The following SLC2A13 variants were observed in gnomAD, a reference collection of about 807,000 sequenced individuals.
The protein encoded by SLC2A13 is solute carrier family 2 member 13.
In SLC2A13, 32 loss-of-function variants were observed where a neutral mutation model predicts 64.4. That is an observed-to-expected ratio of 0.50 (90% CI 0.37 to 0.67). SLC2A13 has a LOEUF of 0.67. Ranked by LOEUF, SLC2A13 falls within the 30% of genes least tolerant of loss-of-function variation. The pLI is 0.00. For missense variants in SLC2A13, 743 were observed against 829.2 expected (o/e 0.90, Z 1.28); for synonymous variants, 338 against 327.1 (o/e 1.03, Z -0.36).
intron 4 of SLC2A13, among the ~76,000 whole-genome samples, chr12:39,884,520 G>A (rs1944424546): frequency 6.6e-6 from 1 of 152,124 alleles, no homozygotes; most frequent in Non-Finnish European, 1.5e-5. Context: ...AGTACATCAT[G>A]GCCAAATGTC....
intron 3 of SLC2A13, among the ~76,000 whole-genome samples, chr12:39,982,603 A>G (rs1207838528): frequency 6.7e-6 from 1 of 149,966 alleles, no homozygotes; most frequent in East Asian, 2.0e-4. Context: ...TAAAATACCT[A>G]GGAATCCAAC....
intron 1 of SLC2A13, among the ~76,000 whole-genome samples, 157 bp from the exon 2 acceptor site, chr12:40,048,367 A>G (rs1230645378): frequency 6.6e-6 from 1 of 152,174 alleles, no homozygotes; most frequent in African/African-American, 2.4e-5. Flanking sequence ...TTCATAACTA[A>G]TTTGGGGCTA....
chr12:40,012,886 G>A (rs182479979), intron 3 of SLC2A13, among the ~76,000 whole-genome samples: 8 of 152,252 alleles, frequency 5.3e-5, no homozygotes, highest in South Asian at 4.1e-4. Flanking sequence ...GCAGGCCTCC[G>A]GGACTGAATG....
At chr12:39,924,049 CA>C (rs1409291361) in intron 4 of SLC2A13, among the ~76,000 whole-genome samples, 2 of 151,942 alleles carry the variant, frequency 1.3e-5, no homozygotes, top group African/African-American at 4.8e-5. Flanking sequence ...TCAAGATAAA[CA>C]GTTAAAACGA....
chr12:39,862,051 C>T (rs766382255), intron 6 of SLC2A13, among the ~76,000 whole-genome samples: 5 of 152,156 alleles, frequency 3.3e-5, no homozygotes, highest in African/African-American at 9.7e-5. Context: ...CCCTAACAGG[C>T]GCCAGTGTGT....
At chr12:39,833,811 C>G (rs1346393630) in intron 6 of SLC2A13, among the ~76,000 whole-genome samples, 3 of 150,974 alleles carry the variant, frequency 2.0e-5, no homozygotes, top group Non-Finnish European at 4.4e-5. Flanking sequence ...TGTTGGGGCT[C>G]AGAACATGCT....
At chr12:40,065,772 T>C (rs1475832360) in intron 1 of SLC2A13, among the ~76,000 whole-genome samples, 2 of 152,200 alleles carry the variant, frequency 1.3e-5, no homozygotes, top group African/African-American at 4.8e-5. Flanking sequence ...ATAAGGTGAG[T>C]CAGGAGCTAA....
chr12:40,077,962 T>G (rs542158300), intron 1 of SLC2A13, among the ~76,000 whole-genome samples: 1 of 152,316 alleles, frequency 6.6e-6, no homozygotes, highest in Non-Finnish European at 1.5e-5. Flanking sequence ...TCAACGTTAT[T>G]GATGTATAGA....
At chr12:39,978,345 C>G (rs544356873) in intron 3 of SLC2A13, among the ~76,000 whole-genome samples, 1 of 152,298 alleles carries the variant, frequency 6.6e-6, no homozygotes, top group Admixed American at 6.5e-5. Context: ...AGGAACAGCT[C>G]CAGTCTACAG....
At chr12:39,761,872 C>G (rs1039187502) in intron 9 of SLC2A13, among the ~76,000 whole-genome samples, 3 of 152,104 alleles carry the variant, frequency 2.0e-5, no homozygotes, top group Admixed American at 6.6e-5. Flanking sequence ...TATATTTTAT[C>G]TTCATCATTA....
intron 6 of SLC2A13, among the ~76,000 whole-genome samples, chr12:39,830,855 G>A (rs778343799): frequency 6.6e-6 from 1 of 152,164 alleles, no homozygotes; most frequent in African/African-American, 2.4e-5. Context: ...TTTAAAAGAA[G>A]TAGGTATAGA....
chr12:39,858,427 C>T (rs1191518171), intron 6 of SLC2A13, among the ~76,000 whole-genome samples: 2 of 151,846 alleles, frequency 1.3e-5, no homozygotes, highest in Non-Finnish European at 2.9e-5. Context: ...GAAACAGATT[C>T]ATTTTATAGG....
At chr12:39,887,892 T>C (rs992938760) in intron 4 of SLC2A13, among the ~76,000 whole-genome samples, 1 of 152,090 alleles carries the variant, frequency 6.6e-6, no homozygotes, top group Non-Finnish European at 1.5e-5. Context: ...GGGAGAGAGA[T>C]GGTTTGAACA....
intron 2 of SLC2A13, among the ~76,000 whole-genome samples, chr12:40,038,724 C>CT (rs1319441968): frequency 2.5e-5 from 3 of 120,374 alleles, no homozygotes; most frequent in African/African-American, 9.4e-5. Context: ...GAGCAAGACC[C>CT]TGTCTCAAAA....
At chr12:40,015,268 T>C (rs922440671) in intron 3 of SLC2A13, among the ~76,000 whole-genome samples, 4 of 152,010 alleles carry the variant, frequency 2.6e-5, no homozygotes, top group Non-Finnish European at 4.4e-5. Context: ...GTGGCCTTTC[T>C]TTTTTCTTAA....
chr12:39,896,016 A>ATATACATG (rs1944816280), intron 4 of SLC2A13, among the ~76,000 whole-genome samples: 1 of 146,524 alleles, frequency 6.8e-6, no homozygotes, highest in Non-Finnish European at 1.5e-5. Context: ...ACATGTGTAT[A>ATATACATG]TGTATACATA....
chr12:39,841,791 A>G (rs1444002068), intron 6 of SLC2A13, among the ~76,000 whole-genome samples: 2 of 152,014 alleles, frequency 1.3e-5, no homozygotes, highest in Non-Finnish European at 2.9e-5. Context: ...TTCATTATTG[A>G]AGAGACAGAA....
chr12:39,900,938 A>G (rs1430164228), intron 4 of SLC2A13, among the ~76,000 whole-genome samples: 1 of 152,180 alleles, frequency 6.6e-6, no homozygotes, highest in South Asian at 2.1e-4. Flanking sequence ...ACTTCAAACT[A>G]TACCACAAGG....
intron 1 of SLC2A13, among the ~76,000 whole-genome samples, chr12:40,072,975 C>T (rs145189662): frequency 4.0e-5 from 6 of 151,828 alleles, no homozygotes; most frequent in Non-Finnish European, 7.4e-5. Flanking sequence ...GAGCATTTTA[C>T]GTGATTTTAT....
Sources: gnomAD v4.1 joint callset for allele counts (sites outside exome capture counted in the v4.1 genomes callset) on GRCh38, gnomAD v4.1.1 for gene constraint, MANE v1.5 for transcripts, NCBI Gene and HGNC (gene_info 2026-07-23, HGNC 2026-07-21) for gene names.